Variants in PPARG observed in about 807,000 individuals in gnomAD.
PPARG encodes the protein peroxisome proliferator-activated receptor gamma.
Under a neutral mutation model 39.2 loss-of-function variants are expected in PPARG, and 17 were observed. The observed-to-expected ratio is 0.43, with a 90% confidence interval of 0.30 to 0.65. The LOEUF (loss-of-function observed/expected upper bound fraction) is 0.65, where lower values mean the gene tolerates loss of function less well. Among genes scored for constraint, PPARG ranks in the 30% least tolerant of loss-of-function variants. The pLI is 0.13. For missense variants in PPARG, 406 were observed against 585.9 expected (o/e 0.69, Z 3.17); for synonymous variants, 223 against 215.7 (o/e 1.03, Z -0.30).
chr3:12,343,138 C>G (rs949957718), intron 2 of PPARG, among the ~76,000 whole-genome samples: 1 of 123,304 alleles, frequency 8.1e-6, no homozygotes, highest in Non-Finnish European at 1.5e-5. Context: ...CTGTGTTGAT[C>G]TAAATCACTG....
chr3:12,366,862 C>T (rs537769267), intron 2 of PPARG, among the ~76,000 whole-genome samples: 1 of 152,164 alleles, frequency 6.6e-6, no homozygotes, highest in South Asian at 2.1e-4. Context: ...GTTTATTTTC[C>T]TTGTAATGTC....
Position 12,368,187 on chromosome 3 carries a change from TTTG to T in PPARG, c.-8-11514_-8-11512del, listed in dbSNP as rs1339146889. Among the ~76,000 whole-genome samples, 5 of 144,234 alleles carry T rather than the reference TTTG, an allele frequency of 3.5e-5. 2 individuals are homozygous for T. Among genetic ancestry groups the T allele is most frequent in the Non-Finnish European group, 6.1e-5 (4 of 65,850 alleles). 94.6% of individuals were successfully genotyped at this position (144,234 alleles called of 152,430 possible). On this transcript the variant is annotated intron_variant, in intron 2 of 7. Coordinates refer to ENST00000651735, the MANE Select transcript of PPARG (RefSeq NM_138711.6). ...AGTTTTCATTTTTTTCTTTTTCTTTTTTGTTTTTTTTTCAGACAGTGTCTCTCT... is the reference window on the plus strand; with the variant it reads ...AGTTTTCATTTTTTTCTTTTTCTTTTTTTTTTTTTCAGACAGTGTCTCTCT...
chr3:12,325,077 A>G (rs1393395131), intron 2 of PPARG, among the ~76,000 whole-genome samples: 2 of 152,150 alleles, frequency 1.3e-5, no homozygotes. Flanking sequence ...ACTTGAGCTC[A>G]GGAGGTCAAG....
intron 2 of PPARG, among the ~76,000 whole-genome samples, chr3:12,364,801 C>CT (rs1375888262): frequency 2.0e-5 from 3 of 152,168 alleles, no homozygotes; most frequent in African/African-American, 7.2e-5. Flanking sequence ...TGTTGAAGAT[C>CT]TTTTCACATG....
intron 6 of PPARG, 68 bp from the exon 7 acceptor site, chr3:12,416,636 C>T (rs2051065288): frequency 2.1e-6 from 3 of 1,459,344 alleles, no homozygotes; most frequent in Non-Finnish European, 2.8e-6. Context: ...GTTTTCTGAA[C>T]CTGGGATGGC....
At chr3:12,290,624 T>C (rs1012189144) in intron 1 of PPARG, among the ~76,000 whole-genome samples, 1 of 152,086 alleles carries the variant, frequency 6.6e-6, no homozygotes, top group Non-Finnish European at 1.5e-5. Context: ...GAATATGAAT[T>C]AGAAGTGGAT....
intron 2 of PPARG, among the ~76,000 whole-genome samples, chr3:12,336,789 T>G (rs2048024604): frequency 6.6e-6 from 1 of 152,208 alleles, no homozygotes; most frequent in Non-Finnish European, 1.5e-5. Context: ...ACAAAGGCCT[T>G]TAGGTTTTTA....
chr3:12,313,057 C>T (rs1378409334), intron 2 of PPARG, among the ~76,000 whole-genome samples: 1 of 152,120 alleles, frequency 6.6e-6, no homozygotes, highest in Non-Finnish European at 1.5e-5. Flanking sequence ...TATAGGGTTC[C>T]AAGACAGTTC....
At chr3:12,415,044 T>C (rs2051010482) in intron 6 of PPARG, among the ~76,000 whole-genome samples, 1 of 152,220 alleles carries the variant, frequency 6.6e-6, no homozygotes, top group Non-Finnish European at 1.5e-5. Flanking sequence ...TAGATATGAA[T>C]AGAATCTCCA....
chr3:12,377,862 C>G (rs1017634860), intron 2 of PPARG, among the ~76,000 whole-genome samples: 2 of 152,112 alleles, frequency 1.3e-5, no homozygotes, highest in African/African-American at 4.8e-5. Flanking sequence ...TTATGGATTG[C>G]AAATCGTACA....
chr3:12,312,942 T>G (rs2047289417), intron 2 of PPARG, among the ~76,000 whole-genome samples: 1 of 152,162 alleles, frequency 6.6e-6, no homozygotes, highest in African/African-American at 2.4e-5. Flanking sequence ...TTAAAACTAC[T>G]TCCTTCCTGG....
chr3:12,406,437 C>T, intron 6 of PPARG: 1 of 322,626 alleles, frequency 3.1e-6, no homozygotes, highest in Non-Finnish European at 5.9e-6. Flanking sequence ...TTCATTCAAG[C>T]AGCCTTGCTT....
At chr3:12,399,446 G>A in intron 5 of PPARG, 1 of 455,400 alleles carries the variant, frequency 2.2e-6, no homozygotes, top group South Asian at 1.6e-5. Flanking sequence ...AGTGAGCCAA[G>A]CGTGGTGGTG....
intron 2 of PPARG, among the ~76,000 whole-genome samples, chr3:12,375,910 G>A (rs546060131): frequency 2.5e-4 from 38 of 151,736 alleles, no homozygotes; most frequent in Non-Finnish European, 4.3e-4. Flanking sequence ...AACCACAAAC[G>A]CGCATTCACA....
At chr3:12,427,324 T>G (rs1243813728) in intron 7 of PPARG, among the ~76,000 whole-genome samples, 1 of 152,204 alleles carries the variant, frequency 6.6e-6, no homozygotes, top group Admixed American at 6.5e-5. Flanking sequence ...CTTGCCTATG[T>G]GCACTCAACT....
chr3:12,402,818 C>A (rs1039194321), intron 5 of PPARG, among the ~76,000 whole-genome samples: 2 of 152,176 alleles, frequency 1.3e-5, no homozygotes, highest in African/African-American at 4.8e-5. Context: ...TGTAGTACAG[C>A]CATCCCTCCT....
At chr3:12,384,658 G>A (rs1472243151) in intron 4 of PPARG, among the ~76,000 whole-genome samples, 10 of 152,096 alleles carry the variant, frequency 6.6e-5, no homozygotes, top group Non-Finnish European at 1.3e-4. Flanking sequence ...AGTGTGGTCT[G>A]GGGCTTGGAC....
chr3:12,293,348 T>C (rs370416857), intron 1 of PPARG, among the ~76,000 whole-genome samples: 16 of 152,268 alleles, frequency 1.1e-4, no homozygotes, highest in African/African-American at 3.8e-4. Context: ...TATGTCACTA[T>C]TAAAAAAAAA....
intron 2 of PPARG, among the ~76,000 whole-genome samples, chr3:12,339,526 A>G (rs1051202548): frequency 1.3e-5 from 2 of 152,216 alleles, no homozygotes; most frequent in African/African-American, 4.8e-5. Flanking sequence ...TCTCCTAAGA[A>G]TATTTAGGTA....
Sources: allele counts gnomAD v4.1 joint callset (sites outside exome capture counted in the v4.1 genomes callset), GRCh38; gene constraint gnomAD v4.1.1; transcripts MANE v1.5; gene names NCBI Gene and HGNC (gene_info 2026-07-23, HGNC 2026-07-21).